Variants in MAP7 observed in about 807,000 individuals in gnomAD.
The protein encoded by MAP7 is microtubule associated protein 7, also known as ensconsin.
MAP7 carries 52 observed loss-of-function variants against 94.8 expected under a neutral mutation model. The ratio of observed to expected loss-of-function variants is 0.55; its 90% CI spans 0.44 to 0.69. MAP7 has a LOEUF of 0.69. Among genes scored for constraint, MAP7 ranks in the 30% least tolerant of loss-of-function variants. MAP7 has a pLI of 0.00. For missense variants in MAP7, 940 were observed against 964.6 expected, an observed-to-expected ratio of 0.97 and a Z score of 0.34; for synonymous variants, 350 against 357.0, an observed-to-expected ratio of 0.98 and a Z score of 0.22.
chr6:136,545,051 C>T (rs535864974), intron 1 of MAP7: 5 of 152,374 alleles, frequency 3.3e-5, no homozygotes, highest in South Asian at 4.1e-4. Context: ...TCCTTTGACA[C>T]ATGCCCCTGC....
At position 136,418,187 on chromosome 6, in the gene MAP7, C is replaced by T. The variant is rs78248745; in HGVS notation, c.166+3514G>A. 2.0e-3 allele frequency among the ~76,000 whole-genome samples: 307 copies of T among 152,168 alleles called. 1 individual carries two copies. The highest frequency in any genetic ancestry group is 6.7e-3 in the African/African-American group (277 of 41,508). Reference sequence around the variant, plus strand: ...GTGTGCTCATAGTTCTAAAACACCACGAGGGACTTCTGTAATGTGGTTTGT... The same window carrying T: ...GTGTGCTCATAGTTCTAAAACACCATGAGGGACTTCTGTAATGTGGTTTGT... On this transcript the variant is annotated intron_variant, in intron 2 of 17. Transcript: ENST00000354570.
intron 1 of MAP7, among the ~76,000 whole-genome samples, chr6:136,511,105 T>C (rs1358272007): frequency 6.6e-6 from 1 of 152,192 alleles, no homozygotes; most frequent in Non-Finnish European, 1.5e-5. Flanking sequence ...GGAGTGAGAA[T>C]AATTTTGAAA....
chr6:136,491,713 T>C (rs1230928111), intron 1 of MAP7, among the ~76,000 whole-genome samples: 1 of 152,216 alleles, frequency 6.6e-6, no homozygotes, highest in Non-Finnish European at 1.5e-5. Context: ...ATTGATTGAA[T>C]GGAAATCCTA....
chr6:136,491,663 A>T (rs1816653886), intron 1 of MAP7, among the ~76,000 whole-genome samples: 1 of 152,210 alleles, frequency 6.6e-6, no homozygotes, highest in African/African-American at 2.4e-5. Flanking sequence ...TTTCAAAATC[A>T]TTTTTATAAT....
chr6:136,540,267 C>A (rs1829197095), intron 1 of MAP7, among the ~76,000 whole-genome samples: 1 of 152,118 alleles, frequency 6.6e-6, no homozygotes, highest in South Asian at 2.1e-4. Flanking sequence ...AAGGTCCAGT[C>A]TCCAGAGCCA....
chr6:136,364,322 TGGA>T (rs1426756414), intron 10 of MAP7: 5 of 493,752 alleles, frequency 1.0e-5, no homozygotes, highest in Non-Finnish European at 2.0e-5. Flanking sequence ...TCATCTGCAA[TGGA>T]GGAGCTCGTG....
chr6:136,440,034 CTT>C (rs1797391123), intron 1 of MAP7, among the ~76,000 whole-genome samples: 1 of 152,118 alleles, frequency 6.6e-6, no homozygotes, highest in Non-Finnish European at 1.5e-5. Flanking sequence ...GGCAGGTTAG[CTT>C]GGTTGGCTAG....
chr6:136,453,250 C>G (rs1235080610), intron 1 of MAP7, among the ~76,000 whole-genome samples: 1 of 152,178 alleles, frequency 6.6e-6, no homozygotes, highest in Non-Finnish European at 1.5e-5. Context: ...TTCTATTTTT[C>G]TCGTGGGTAT....
At chr6:136,371,914 A>C (rs984371105) in intron 8 of MAP7, among the ~76,000 whole-genome samples, 3 of 152,268 alleles carry the variant, frequency 2.0e-5, no homozygotes, top group African/African-American at 7.2e-5. Context: ...TTACAAAATC[A>C]GAATTTATAG....
At chr6:136,493,312 G>A (rs1324995678) in intron 1 of MAP7, among the ~76,000 whole-genome samples, 4 of 152,020 alleles carry the variant, frequency 2.6e-5, no homozygotes, top group Admixed American at 2.6e-4. Context: ...TAGAAGAGAC[G>A]GGGTTTCTCC....
intron 1 of MAP7, among the ~76,000 whole-genome samples, chr6:136,520,294 T>G (rs1826020979): frequency 1.3e-5 from 2 of 152,090 alleles, no homozygotes; most frequent in Admixed American, 1.3e-4. Context: ...AAATGCAGTT[T>G]CATAGAGAGC....
intron 1 of MAP7, among the ~76,000 whole-genome samples, chr6:136,516,930 G>T (rs78315469): frequency 6.7e-6 from 1 of 149,344 alleles, no homozygotes; most frequent in Non-Finnish European, 1.5e-5. Flanking sequence ...ACATGCACAC[G>T]AGCGCACATG....
chr6:136,514,545 C>T (rs1208594936), intron 1 of MAP7, among the ~76,000 whole-genome samples: 1 of 131,294 alleles, frequency 7.6e-6, no homozygotes, highest in Admixed American at 9.0e-5. Context: ...GAGATCACAG[C>T]ACTCCAGCCT....
At chr6:136,509,794 A>G (rs938684889) in intron 1 of MAP7, among the ~76,000 whole-genome samples, 2 of 152,160 alleles carry the variant, frequency 1.3e-5, no homozygotes, top group Non-Finnish European at 2.9e-5. Context: ...TGGGCTCAAG[A>G]GGTCCTCCTG....
intron 2 of MAP7, among the ~76,000 whole-genome samples, chr6:136,419,400 T>C (rs1036481584): frequency 4.3e-4 from 65 of 152,222 alleles, no homozygotes; most frequent in African/African-American, 1.4e-3. Context: ...GTATTACAAA[T>C]GTGATTTTAT....
At chr6:136,541,118 G>C (rs187922507) in intron 1 of MAP7, among the ~76,000 whole-genome samples, 2 of 152,270 alleles carry the variant, frequency 1.3e-5, no homozygotes, top group African/African-American at 4.8e-5. Context: ...TGGTGCGCCT[G>C]CCACCCCAAA....
rs1380278037 is a variant in MAP7, at chr6:136,456,813, GAA to G, written c.68-35016_68-35015del. Among the ~76,000 whole-genome samples the G allele has an allele frequency of 3.3e-3, 275 of 82,978 alleles. 1 individual carries two copies. Among genetic ancestry groups the G allele is most frequent in the East Asian group, 0.019 (55 of 2,870 alleles). 54.4% of individuals were successfully genotyped at this position (82,978 alleles called of 152,430 possible). A position where few individuals can be genotyped will look rare whatever the true frequency, so the allele number is the denominator to read the frequency against. ...AGAAGAAGAAGAAGAAGAAGAAGAA[GAA>G]GAAGAAGGAAGAAGAAGAAGAAGAA... On this transcript the variant is annotated intron_variant, in intron 1 of 17. Coordinates refer to ENST00000354570, the MANE Select transcript of MAP7 (RefSeq NM_003980.6).
At position 136,463,458 on chromosome 6, in the gene MAP7, A is replaced by C. The variant is rs375096232; in HGVS notation, c.68-41659T>G. Among the ~76,000 whole-genome samples the C allele has an allele frequency of 5.1e-4, 77 of 152,354 alleles. 1 individual carries two copies. The South Asian group carries it at 8.7e-3, about 17-fold the overall frequency. On this transcript the variant is annotated intron_variant, in intron 1 of 17. Transcript: ENST00000354570. ...GACTTTAAAATCTATTATCCTAACCAATATGCTACAATGTTTTCTAAAGAA... is the reference window on the plus strand; with the variant it reads ...GACTTTAAAATCTATTATCCTAACCCATATGCTACAATGTTTTCTAAAGAA...
At chr6:136,345,777 T>C (rs1028013669) in intron 17 of MAP7, 79 bp downstream of exon 17, 1 of 1,109,976 alleles carries the variant, frequency 9.0e-7, no homozygotes, top group Non-Finnish European at 1.4e-6. Flanking sequence ...ACAATCATAC[T>C]GTAGAAGGCA....
Sources: gnomAD v4.1 joint callset for allele counts (sites outside exome capture counted in the v4.1 genomes callset) on GRCh38, gnomAD v4.1.1 for gene constraint, MANE v1.5 for transcripts, NCBI Gene and HGNC (gene_info 2026-07-23, HGNC 2026-07-21) for gene names.